Variants in GLDC observed in about 807,000 individuals in gnomAD.
GLDC encodes glycine dehydrogenase (decarboxylating), mitochondrial.
GLDC carries 104 observed loss-of-function variants against 121.3 expected under a neutral mutation model. That is an observed-to-expected ratio of 0.86 (90% confidence interval 0.73 to 1.01). GLDC has a LOEUF of 1.01. GLDC is among the 50% of genes least tolerant of loss of function. GLDC has a pLI of 0.00. For missense variants in GLDC, 1,429 were observed against 1,306.6 expected (o/e 1.09, Z -1.44); for synonymous variants, 546 against 480.6 (o/e 1.14, Z -1.78).
At chr9:6,554,484 C>T (rs887069852) in intron 19 of GLDC, among the ~76,000 whole-genome samples, 185 bp downstream of exon 19, 4 of 152,194 alleles carry the variant, frequency 2.6e-5, no homozygotes, top group African/African-American at 7.2e-5. Flanking sequence ...AATCTAATTA[C>T]GCTTTTCTTT....
chr9:6,590,779 T>C (rs563407856), intron 11 of GLDC, among the ~76,000 whole-genome samples: 1 of 152,324 alleles, frequency 6.6e-6, no homozygotes, highest in South Asian at 2.1e-4. Context: ...ATGAACCAAA[T>C]ATCTGTGATT....
chr9:6,605,082 C>G, intron 6 of GLDC, 49 bp downstream of exon 6: 1 of 1,521,052 alleles, frequency 6.6e-7, no homozygotes, highest in Non-Finnish European at 9.1e-7. Flanking sequence ...TAGACAGATA[C>G]AAGTTGGGAT....
chr9:6,539,907 A>T, intron 22 of GLDC, 144 bp downstream of exon 22: 2 of 687,148 alleles, frequency 2.9e-6, no homozygotes, highest in Non-Finnish European at 2.6e-6. Context: ...TTTTTTCTCT[A>T]TTATTTTGGA....
chr9:6,638,898 A>G (rs1378742707), intron 2 of GLDC, among the ~76,000 whole-genome samples: 1 of 151,926 alleles, frequency 6.6e-6, no homozygotes, highest in African/African-American at 2.4e-5. Context: ...AGTCTCAGCT[A>G]CTCGGGAGGC....
intron 3 of GLDC, among the ~76,000 whole-genome samples, chr9:6,615,513 TC>T (rs1263919182): frequency 1.3e-5 from 2 of 151,858 alleles, no homozygotes; most frequent in Non-Finnish European, 2.9e-5. Flanking sequence ...GCCAAGGAGT[TC>T]CAGTTTACAG....
intron 21 of GLDC, among the ~76,000 whole-genome samples, chr9:6,543,119 T>C (rs923355369): frequency 6.6e-6 from 1 of 151,480 alleles, no homozygotes; most frequent in Non-Finnish European, 1.5e-5. Flanking sequence ...CTACAAAATA[T>C]TTAAAAATTA....
chr9:6,538,110 GA>G (rs1817175585), intron 22 of GLDC, among the ~76,000 whole-genome samples: 1 of 148,582 alleles, frequency 6.7e-6, no homozygotes, highest in South Asian at 2.1e-4. Context: ...ACCAGACAGG[GA>G]TTTTTTTTTT....
chr9:6,625,636 A>T (rs1819219315), intron 2 of GLDC, among the ~76,000 whole-genome samples: 1 of 152,208 alleles, frequency 6.6e-6, no homozygotes, highest in Non-Finnish European at 1.5e-5. Flanking sequence ...GTACTGTAGC[A>T]AAAATCTAGC....
intron 21 of GLDC, chr9:6,540,586 A>C: frequency 5.1e-6 from 1 of 196,774 alleles, no homozygotes; most frequent in South Asian, 9.8e-5. Context: ...TCAACATCAA[A>C]TAATTACTTT....
At chr9:6,583,603 G>C (rs1818211889) in intron 15 of GLDC, among the ~76,000 whole-genome samples, 1 of 152,166 alleles carries the variant, frequency 6.6e-6, no homozygotes, top group Non-Finnish European at 1.5e-5. Flanking sequence ...TTGAGCCTGG[G>C]AGGCCAAGGT....
At chr9:6,583,012 A>C (rs962290319) in intron 15 of GLDC, among the ~76,000 whole-genome samples, 4 of 152,184 alleles carry the variant, frequency 2.6e-5, no homozygotes, top group African/African-American at 9.6e-5. Flanking sequence ...CCACAGTGAG[A>C]TACCACTTCA....
chr9:6,636,503 G>A (rs966697147), intron 2 of GLDC, among the ~76,000 whole-genome samples: 35 of 152,174 alleles, frequency 2.3e-4, no homozygotes, highest in Non-Finnish European at 4.4e-4. Flanking sequence ...GGTCGGGCAA[G>A]GTGGCTCACG....
intron 21 of GLDC, among the ~76,000 whole-genome samples, chr9:6,543,602 C>T (rs966663910): frequency 2.0e-5 from 3 of 152,158 alleles, no homozygotes; most frequent in African/African-American, 7.2e-5. Flanking sequence ...TACTCTATTG[C>T]GTTCAAATAG....
chr9:6,597,668 G>A (rs574697130), intron 8 of GLDC, among the ~76,000 whole-genome samples: 2 of 152,316 alleles, frequency 1.3e-5, no homozygotes, highest in African/African-American at 4.8e-5. Flanking sequence ...CGGGCATGGT[G>A]GCTAACGCCT....
At chr9:6,619,723 G>C (rs914681365) in intron 3 of GLDC, among the ~76,000 whole-genome samples, 4 of 152,122 alleles carry the variant, frequency 2.6e-5, no homozygotes, top group East Asian at 3.8e-4. Flanking sequence ...GCAAGACTCC[G>C]TCTGGGCAGG....
chr9:6,551,509 CAT>C (rs1817513602), intron 20 of GLDC, among the ~76,000 whole-genome samples: 1 of 152,166 alleles, frequency 6.6e-6, no homozygotes, highest in South Asian at 2.1e-4. Flanking sequence ...GAGTACCTCA[CAT>C]GTGATGGAGT....
intron 4 of GLDC, among the ~76,000 whole-genome samples, chr9:6,608,912 G>C (rs1417902688): frequency 6.6e-6 from 1 of 152,164 alleles, no homozygotes; most frequent in African/African-American, 2.4e-5. Flanking sequence ...ACAGAAGGGA[G>C]AACCTGAACC....
chr9:6,535,903 A>G, intron 23 of GLDC, 161 bp downstream of exon 23: 3 of 701,638 alleles, frequency 4.3e-6, no homozygotes, highest in Non-Finnish European at 5.1e-6. Context: ...GTTCAAGACG[A>G]TGGAAACTTC....
intron 15 of GLDC, among the ~76,000 whole-genome samples, chr9:6,581,561 C>T (rs144828680): frequency 9.2e-5 from 14 of 152,330 alleles, no homozygotes; most frequent in Admixed American, 3.3e-4. Flanking sequence ...AATAACATAG[C>T]ATTTCCAGTG....
Sources: allele counts gnomAD v4.1 joint callset (sites outside exome capture counted in the v4.1 genomes callset), GRCh38; gene constraint gnomAD v4.1.1; transcripts MANE v1.5; gene names NCBI Gene and HGNC (gene_info 2026-07-23, HGNC 2026-07-21).